Variants in ERICH5 observed in about 807,000 individuals in gnomAD.
ERICH5 encodes glutamate-rich protein 5.
ERICH5 carries 24 observed loss-of-function variants against 28.0 expected under a neutral mutation model. The ratio of observed to expected loss-of-function variants is 0.86; its 90% CI spans 0.62 to 1.21. The LOEUF (loss-of-function observed/expected upper bound fraction) is 1.21, where lower values mean the gene tolerates loss of function less well. ERICH5 is among the 50% of genes most tolerant of loss of function. The probability of loss-of-function intolerance (pLI) is 0.00; values close to 1 mark genes in which losing one functional copy is unlikely to be tolerated. For missense variants in ERICH5, 421 were observed against 441.2 expected (o/e 0.95, Z 0.41); for synonymous variants, 163 against 157.6 (o/e 1.03, Z -0.25).
intron 1 of ERICH5, among the ~76,000 whole-genome samples, chr8:98,072,683 T>C (rs925216796): frequency 1.3e-5 from 2 of 152,152 alleles, no homozygotes; most frequent in African/African-American, 4.8e-5. Flanking sequence ...AGTGTTGGGA[T>C]GTGCATTCCA....
At chr8:98,073,458 A>C (rs868775082) in intron 1 of ERICH5, among the ~76,000 whole-genome samples, 618 of 9,858 alleles carry the variant, frequency 0.063, 179 homozygotes, top group African/African-American at 0.11. Flanking sequence ...ATATATATAT[A>C]TGTATATATA....
intron 2 of ERICH5, among the ~76,000 whole-genome samples, chr8:98,091,791 C>T (rs1046280474): frequency 1.3e-5 from 2 of 152,200 alleles, no homozygotes; most frequent in African/African-American, 4.8e-5. Flanking sequence ...CTGGACCACC[C>T]TTTGATTTAG....
chr8:98,066,124 C>G (rs1814815546), intron 1 of ERICH5, among the ~76,000 whole-genome samples: 1 of 152,184 alleles, frequency 6.6e-6, no homozygotes, highest in Non-Finnish European at 1.5e-5. Context: ...AACTTTTCTC[C>G]TAAAGAACCC....
At chr8:98,078,545 G>A (rs1337488817) in intron 1 of ERICH5, among the ~76,000 whole-genome samples, 8 of 152,190 alleles carry the variant, frequency 5.3e-5, no homozygotes, top group Non-Finnish European at 7.3e-5. Flanking sequence ...TTTCATTTCC[G>A]ATTAGGGTAA....
chr8:98,071,576 C>T (rs889697730), intron 1 of ERICH5, among the ~76,000 whole-genome samples: 2 of 152,088 alleles, frequency 1.3e-5, no homozygotes, highest in Non-Finnish European at 1.5e-5. Flanking sequence ...CTCCTGGACC[C>T]AAATTATCCT....
At chr8:98,090,983 G>C (rs942072864) in intron 2 of ERICH5, among the ~76,000 whole-genome samples, 4 of 151,896 alleles carry the variant, frequency 2.6e-5, no homozygotes, top group African/African-American at 9.7e-5. Flanking sequence ...TGTTGCCCAG[G>C]CTGGAGTGCA....
intron 1 of ERICH5, among the ~76,000 whole-genome samples, chr8:98,080,048 A>G (rs1815147665): frequency 6.6e-6 from 1 of 152,216 alleles, no homozygotes; most frequent in Non-Finnish European, 1.5e-5. Context: ...ACAATTAGAA[A>G]GAGGCCTTCC....
At position 98,089,148 on chromosome 8, in the gene ERICH5, T is replaced by A. The variant is rs1253014671; in HGVS notation, c.131T>A (p.Leu44Gln). Residue 44 changes from leucine to glutamine, a missense_variant, in exon 2 of 3, where the codon CTG (leucine) becomes CAG (glutamine). Physicochemically the swap from Leu to Gln is moderately radical, Grantham distance 113. Coordinates refer to ENST00000318528, the MANE Select transcript of ERICH5 (RefSeq NM_173549.3). ...TTTGCCCAACCAAAGCCACATGCAC[T>A]GGGAAGAGAATCTACTGTTGATGGC... ...SCFAQPKPHA[L>Q]GRESTVDGNV... 2.5e-6 allele frequency: 4 copies of A among 1,614,208 alleles called. No individual in the cohort carries two copies.
rs576552482 is a variant in ERICH5 at position 98,073,861 on chromosome 8, T to G, written c.58+9134T>G. On this transcript the variant is annotated intron_variant, in intron 1 of 2. Coordinates refer to ENST00000318528, the MANE Select transcript of ERICH5 (RefSeq NM_173549.3). ...CCCAGCTTTTTGTGTTTGTTTAAAATCAAGTTCTAGATCCCTGAGTTTGTT... is the reference window on the plus strand; with the variant it reads ...CCCAGCTTTTTGTGTTTGTTTAAAAGCAAGTTCTAGATCCCTGAGTTTGTT... Among the ~76,000 whole-genome samples the G allele has an allele frequency of 1.2e-3, 182 of 150,350 alleles. 1 individual carries two copies. Among genetic ancestry groups the G allele is most frequent in the Middle Eastern group, 0.011 (3 of 282 alleles).
chr8:98,092,165 T>A (rs926213198), intron 2 of ERICH5, among the ~76,000 whole-genome samples: 1 of 150,948 alleles, frequency 6.6e-6, no homozygotes, highest in Admixed American at 6.6e-5. Context: ...GCCTGGCTAA[T>A]TTTTTTTTCT....
At chr8:98,064,973 C>G (rs1278577309) in intron 1 of ERICH5, among the ~76,000 whole-genome samples, 1 of 152,150 alleles carries the variant, frequency 6.6e-6, no homozygotes, top group African/African-American at 2.4e-5. Flanking sequence ...GCGCGGGGCC[C>G]GAGGCCGGGC....
intron 1 of ERICH5, among the ~76,000 whole-genome samples, chr8:98,067,510 A>G (rs899874867): frequency 6.6e-6 from 1 of 152,050 alleles, no homozygotes; most frequent in Non-Finnish European, 1.5e-5. Flanking sequence ...AACTAGATTT[A>G]AATCTGTTTT....
chr8:98,064,891 A>G (rs1814791563), intron 1 of ERICH5, among the ~76,000 whole-genome samples, 164 bp downstream of exon 1: 1 of 152,204 alleles, frequency 6.6e-6, no homozygotes. Context: ...ATTTCCTTCC[A>G]AATCTGGAGC....
Position 98,079,842 on chromosome 8 carries a change from T to G in ERICH5, c.59-9234T>G, listed in dbSNP as rs1815143170. Among the ~76,000 whole-genome samples the G allele has an allele frequency of 2.0e-5, 3 of 152,324 alleles. No homozygotes were observed. In the South Asian group the frequency reaches 6.2e-4, roughly 32 times the overall value. The stretch of plus-strand genomic sequence containing the variant: ...GGGTGAGCTACCGTGCCCGGCCTAC[T>G]TTTCCATTATTTATCAATAATCATG... On this transcript the variant is annotated intron_variant, in intron 1 of 2. Transcript: ENST00000318528.
At chr8:98,091,900 C>CTTTCTTTCTTTCTTTCTTTCCTTT in intron 2 of ERICH5, among the ~76,000 whole-genome samples, 8 of 74,700 alleles carry the variant, frequency 1.1e-4, no homozygotes, top group South Asian at 4.6e-4. Flanking sequence ...TTCTTTCTTT[C>CTTTCTTTCTTTCTTTCTTTCCTTT]CTTTCTTTCT....
chr8:98,074,310 G>A (rs750192346), intron 1 of ERICH5, among the ~76,000 whole-genome samples: 10 of 151,998 alleles, frequency 6.6e-5, no homozygotes, highest in South Asian at 2.1e-4. Context: ...AGTGGTATGC[G>A]AATGGCTACA....
chr8:98,073,748 G>A (rs1168962508), intron 1 of ERICH5, among the ~76,000 whole-genome samples: 1 of 149,640 alleles, frequency 6.7e-6, no homozygotes, highest in Non-Finnish European at 1.5e-5. Context: ...TTACCATGTT[G>A]GTCAGGCTGG....
chr8:98,081,341 A>G (rs1376819380), intron 1 of ERICH5, among the ~76,000 whole-genome samples: 1 of 152,106 alleles, frequency 6.6e-6, no homozygotes, highest in East Asian at 1.9e-4. Context: ...TCTGGGCTCA[A>G]GTGATCCACC....
chr8:98,093,532 G>C lies in ERICH5; in HGVS notation c.*199G>C. 1 of 410,040 alleles carries C rather than the reference G, an allele frequency of 2.4e-6. No individual in the cohort carries two copies. The highest frequency in any genetic ancestry group is 4.3e-6 in the Non-Finnish European group (1 of 230,742). 25.4% of individuals were successfully genotyped at this position (410,040 alleles called of 1,614,324 possible). ...CTGCAAAACTGCTAAGCCATGAACAGTTTTCTTAGCTACTTAGAATGGTTA... is the reference window on the plus strand; with the variant it reads ...CTGCAAAACTGCTAAGCCATGAACACTTTTCTTAGCTACTTAGAATGGTTA... On this transcript the variant is annotated 3_prime_UTR_variant, in exon 3 of 3. Coordinates refer to ENST00000318528, the MANE Select transcript of ERICH5 (RefSeq NM_173549.3).
Sources: allele counts gnomAD v4.1 joint callset (sites outside exome capture counted in the v4.1 genomes callset), GRCh38; gene constraint gnomAD v4.1.1; transcripts MANE v1.5; gene names NCBI Gene and HGNC (gene_info 2026-07-23, HGNC 2026-07-21).